Variants in SNTG1 observed in about 807,000 individuals in gnomAD.
The protein encoded by SNTG1 is syntrophin gamma 1, also known as gamma-1-syntrophin.
SNTG1 carries 39 observed loss-of-function variants against 74.7 expected under a neutral mutation model. The observed-to-expected ratio is 0.52, with a 90% CI of 0.40 to 0.68. The LOEUF (loss-of-function observed/expected upper bound fraction) is 0.68. Among genes scored for constraint, SNTG1 ranks in the 30% least tolerant of loss-of-function variants. The pLI, the probability that SNTG1 is intolerant of heterozygous loss-of-function variation, is 0.00. For missense variants in SNTG1, 685 were observed against 609.5 expected, an observed-to-expected ratio of 1.12 and a Z score of -1.30; for synonymous variants, 254 against 217.1, an observed-to-expected ratio of 1.17 and a Z score of -1.49.
intron 8 of SNTG1, among the ~76,000 whole-genome samples, chr8:50,496,041 G>A (rs1206362010): frequency 1.3e-5 from 2 of 152,144 alleles, no homozygotes; most frequent in Admixed American, 6.5e-5. Context: ...ATTTTAGAGT[G>A]AACAGTAAAG....
In SNTG1 at chr8:50,122,546, A is replaced by G. The variant is rs1228368633; in HGVS notation, c.-102-50015A>G. On this transcript the variant is annotated intron_variant, in intron 1 of 18. Transcript: ENST00000642720. The stretch of plus-strand genomic sequence containing the variant: ...GAAGAATGTTGAGGAGGAGGATGAC[A>G]TTGAGGCTCGTAGCTCATATTTTAG... Among the ~76,000 whole-genome samples, 6 of 142,022 alleles carry G rather than the reference A, an allele frequency of 4.2e-5. 2 individuals are homozygous for G. The highest frequency in any genetic ancestry group is 9.4e-5 in the Non-Finnish European group (6 of 63,780). The allele number at this position is 142,022 out of a possible 152,430, so 93.2% of individuals were successfully genotyped here.
chr8:50,356,606 T>A (rs1446598497), intron 2 of SNTG1, among the ~76,000 whole-genome samples: 1 of 152,122 alleles, frequency 6.6e-6, no homozygotes, highest in African/African-American at 2.4e-5. Flanking sequence ...TCTTGCTCTG[T>A]CCTCCCATGG....
chr8:50,309,481 T>A (rs1342899117), intron 2 of SNTG1, among the ~76,000 whole-genome samples: 1 of 152,158 alleles, frequency 6.6e-6, no homozygotes, highest in East Asian at 1.9e-4. Flanking sequence ...GGAAAACAAA[T>A]GAATTTCGTA....
intron 8 of SNTG1, among the ~76,000 whole-genome samples, chr8:50,476,309 G>A (rs951067174): frequency 4.1e-4 from 62 of 152,132 alleles, no homozygotes; most frequent in African/African-American, 1.5e-3. Flanking sequence ...GTATATATAG[G>A]GTTTTGTACT....
intron 2 of SNTG1, among the ~76,000 whole-genome samples, chr8:50,361,409 T>A (rs1480957470): frequency 6.6e-6 from 1 of 152,220 alleles, no homozygotes; most frequent in African/African-American, 2.4e-5. Context: ...CTTCTTTTTT[T>A]CATTATAGAC....
At chr8:50,529,603 A>C (rs1311620161) in intron 9 of SNTG1, among the ~76,000 whole-genome samples, 1 of 152,090 alleles carries the variant, frequency 6.6e-6, no homozygotes, top group Non-Finnish European at 1.5e-5. Flanking sequence ...TCTTTAAGGC[A>C]TTACTCATCT....
chr8:50,580,516 T>C (rs1282349216), intron 12 of SNTG1, among the ~76,000 whole-genome samples: 2 of 152,112 alleles, frequency 1.3e-5, no homozygotes, highest in Admixed American at 1.3e-4. Context: ...TGAACTATAG[T>C]TCCCATTAGC....
chr8:50,535,261 G>T (rs1431004355), intron 10 of SNTG1, among the ~76,000 whole-genome samples: 4 of 152,146 alleles, frequency 2.6e-5, no homozygotes, highest in Admixed American at 2.6e-4. Context: ...GGACTACTCA[G>T]TTGGGAAACT....
At chr8:50,484,798 T>C (rs907043878) in intron 8 of SNTG1, among the ~76,000 whole-genome samples, 1 of 150,326 alleles carries the variant, frequency 6.7e-6, no homozygotes, top group Admixed American at 6.6e-5. Context: ...AGGGGAGATT[T>C]CAGTGAGCCG....
intron 12 of SNTG1, among the ~76,000 whole-genome samples, chr8:50,586,062 CAT>C (rs918178954): frequency 1.3e-5 from 2 of 152,138 alleles, no homozygotes; most frequent in Admixed American, 6.5e-5. Context: ...CTGATTCACA[CAT>C]GATTGTCACC....
rs575833105 is a variant in SNTG1, at chr8:50,355,036, G to A, written c.-27-39176G>A. 2.4e-4 allele frequency among the ~76,000 whole-genome samples: 36 copies of A among 152,220 alleles called. No homozygotes were observed. In the East Asian group the frequency reaches 6.2e-3, roughly 26 times the overall value. On this transcript the variant is annotated intron_variant, in intron 2 of 18. Transcript: ENST00000642720. ...AGAAAACTCACCATCCTTGAGAAGC[G>A]TGCATTGTTTCAGTCAAGGAAGCCT...
At chr8:50,169,405 A>T (rs1380754397) in intron 1 of SNTG1, among the ~76,000 whole-genome samples, 2 of 152,232 alleles carry the variant, frequency 1.3e-5, no homozygotes, top group African/African-American at 4.8e-5. Context: ...AAACTGGAGT[A>T]GGAGCAATTC....
intron 18 of SNTG1, among the ~76,000 whole-genome samples, chr8:50,780,540 G>A (rs1449627603): frequency 1.3e-5 from 2 of 151,988 alleles, no homozygotes; most frequent in African/African-American, 4.8e-5. Context: ...CTGTGGGATT[G>A]GTGGTGATAT....
At chr8:50,310,016 T>A (rs2090045816) in intron 2 of SNTG1, among the ~76,000 whole-genome samples, 1 of 152,180 alleles carries the variant, frequency 6.6e-6, no homozygotes, top group Non-Finnish European at 1.5e-5. Flanking sequence ...CCCATTTTAT[T>A]TAATCAATAT....
intron 2 of SNTG1, among the ~76,000 whole-genome samples, chr8:50,288,299 C>T (rs942257596): frequency 1.3e-5 from 2 of 151,772 alleles, no homozygotes; most frequent in Admixed American, 6.6e-5. Flanking sequence ...AATTGTTTTA[C>T]AAAAAGAGAA....
chr8:50,505,969 T>G (rs1482108609), intron 9 of SNTG1, among the ~76,000 whole-genome samples: 1 of 152,174 alleles, frequency 6.6e-6, no homozygotes, highest in East Asian at 1.9e-4. Flanking sequence ...TCTGCTAGGA[T>G]TTTTTACAGC....
At chr8:50,392,240 A>G (rs1488716713) in intron 2 of SNTG1, among the ~76,000 whole-genome samples, 1 of 152,248 alleles carries the variant, frequency 6.6e-6, no homozygotes. Flanking sequence ...CAATTGTAGC[A>G]AAATGATTGG....
At chr8:50,643,843 C>A (rs919263706) in intron 13 of SNTG1, 3 of 152,252 alleles carry the variant, frequency 2.0e-5, no homozygotes, top group African/African-American at 7.2e-5. Context: ...GAGGCTGAGC[C>A]CTGGTTTCCG....
chr8:50,023,530 C>A (rs1392383393), intron 1 of SNTG1, among the ~76,000 whole-genome samples: 1 of 152,074 alleles, frequency 6.6e-6, no homozygotes, highest in African/African-American at 2.4e-5. Flanking sequence ...AAAGCTAAAG[C>A]CTGTTGTCCT....
Sources: allele counts gnomAD v4.1 joint callset (sites outside exome capture counted in the v4.1 genomes callset), GRCh38; gene constraint gnomAD v4.1.1; transcripts MANE v1.5; gene names NCBI Gene and HGNC (gene_info 2026-07-23, HGNC 2026-07-21).